The following GALNT13 variants were observed in gnomAD, a reference collection of about 807,000 sequenced individuals.
The protein encoded by GALNT13 is UDP-GalNAc:polypeptide N-acetylgalactosaminyltransferase 13.
Under a neutral mutation model 64.2 loss-of-function variants are expected in GALNT13, and 28 were observed. The ratio of observed to expected loss-of-function variants is 0.44; its 90% CI spans 0.32 to 0.60. The LOEUF (loss-of-function observed/expected upper bound fraction) is 0.60. GALNT13 is among the 20% of genes least tolerant of loss of function. The pLI is 0.05. For synonymous variants in GALNT13, 214 were observed against 224.6 expected, an observed-to-expected ratio of 0.95 and a Z score of 0.42; for missense variants, 577 against 669.8, an observed-to-expected ratio of 0.86 and a Z score of 1.53.
intron 1 of GALNT13, among the ~76,000 whole-genome samples, chr2:153,889,980 C>T (rs1687446773): frequency 6.6e-6 from 1 of 151,718 alleles, no homozygotes; most frequent in African/African-American, 2.4e-5. Context: ...CTTCTGCTTG[C>T]TTCCTGTGAA....
chr2:154,056,910 T>C (rs956028118), intron 3 of GALNT13, among the ~76,000 whole-genome samples: 10 of 152,088 alleles, frequency 6.6e-5, no homozygotes, highest in Admixed American at 2.6e-4. Flanking sequence ...GTTGAGTTTC[T>C]TTGACTCAAG....
chr2:153,969,230 A>C (rs1311393657), intron 3 of GALNT13, among the ~76,000 whole-genome samples: 1 of 152,124 alleles, frequency 6.6e-6, no homozygotes, highest in African/African-American at 2.4e-5. Flanking sequence ...TGCATTAGGC[A>C]TCACAAAGGC....
chr2:153,566,606 G>A, the GALNT13 span, among the ~76,000 whole-genome samples: 1 of 152,072 alleles, frequency 6.6e-6, no homozygotes, highest in Non-Finnish European at 1.5e-5. Flanking sequence ...CGCCTGCCTT[G>A]GCTTCCCAAA....
chr2:153,722,003 C>A, the GALNT13 span, among the ~76,000 whole-genome samples: 1 of 148,946 alleles, frequency 6.7e-6, no homozygotes, highest in Non-Finnish European at 1.5e-5. Context: ...ACAGAATATA[C>A]ATTTTTTTCA....
chr2:154,304,892 C>T (rs773613356), intron 9 of GALNT13, among the ~76,000 whole-genome samples: 10 of 152,126 alleles, frequency 6.6e-5, no homozygotes, highest in Non-Finnish European at 1.2e-4. Context: ...TTTATGTTTA[C>T]GTGTGTCTCA....
the GALNT13 span, among the ~76,000 whole-genome samples, chr2:153,231,683 C>T: frequency 2.6e-5 from 4 of 151,876 alleles, no homozygotes; most frequent in Non-Finnish European, 5.9e-5. Context: ...ATTTATTATT[C>T]TCTTAGCAAA....
chr2:153,362,323 G>A, the GALNT13 span, among the ~76,000 whole-genome samples: 14 of 152,004 alleles, frequency 9.2e-5, no homozygotes, highest in Admixed American at 2.6e-4. Flanking sequence ...GCATCAACTA[G>A]TGGACAAAAT....
At chr2:153,562,246 AAT>A in the GALNT13 span, among the ~76,000 whole-genome samples, 1 of 152,044 alleles carries the variant, frequency 6.6e-6, no homozygotes, top group East Asian at 1.9e-4. Context: ...CTTTTTTCCT[AAT>A]AGTTACTTTA....
At chr2:153,146,674 G>T in the GALNT13 span, among the ~76,000 whole-genome samples, 1 of 151,766 alleles carries the variant, frequency 6.6e-6, no homozygotes, top group Admixed American at 6.6e-5. Context: ...CTTGTATCAG[G>T]GTTTCCTTCA....
chr2:153,617,640 T>C, the GALNT13 span, among the ~76,000 whole-genome samples: 30,184 of 151,736 alleles, frequency 0.2, 3,189 homozygotes, highest in African/African-American at 0.25. Context: ...GCTATTAGTT[T>C]TTTAAATATT....
chr2:153,861,531 A>AT, the GALNT13 span, among the ~76,000 whole-genome samples: 15 of 141,750 alleles, frequency 1.1e-4, no homozygotes, highest in Admixed American at 2.1e-4. Context: ...TTAAAAGCTG[A>AT]TTTTTTCTCT....
intron 3 of GALNT13, among the ~76,000 whole-genome samples, chr2:153,962,649 C>T (rs1031328543): frequency 6.6e-6 from 1 of 152,158 alleles, no homozygotes; most frequent in African/African-American, 2.4e-5. Context: ...AATTAAGGAA[C>T]TTATTTCCAA....
At chr2:153,550,133 T>C in the GALNT13 span, among the ~76,000 whole-genome samples, 3 of 152,226 alleles carry the variant, frequency 2.0e-5, no homozygotes, top group South Asian at 2.1e-4. Flanking sequence ...CTTCACAAGA[T>C]GGCAGCTATC....
the GALNT13 span, among the ~76,000 whole-genome samples, chr2:153,545,377 C>T: frequency 3.3e-5 from 5 of 152,282 alleles, no homozygotes; most frequent in Admixed American, 2.0e-4. Flanking sequence ...TCCATGTACA[C>T]ATCTTAGCCA....
the GALNT13 span, among the ~76,000 whole-genome samples, chr2:153,778,059 C>G: frequency 3.3e-5 from 5 of 152,186 alleles, no homozygotes; most frequent in African/African-American, 1.2e-4. Context: ...AAGCTCTCCT[C>G]CAACTGCCCT....
intron 3 of GALNT13, among the ~76,000 whole-genome samples, chr2:154,139,733 A>G (rs1345860228): frequency 6.6e-6 from 1 of 151,952 alleles, no homozygotes; most frequent in East Asian, 1.9e-4. Flanking sequence ...AAATTAGCCT[A>G]TATATCAAAT....
At chr2:154,078,357 T>G (rs1701096230) in intron 3 of GALNT13, among the ~76,000 whole-genome samples, 4 of 151,540 alleles carry the variant, frequency 2.6e-5, no homozygotes, top group African/African-American at 9.7e-5. Context: ...TAAAATTATG[T>G]TCTTATTGTA....
the GALNT13 span, among the ~76,000 whole-genome samples, chr2:153,125,282 T>C: frequency 5.3e-5 from 8 of 152,224 alleles, no homozygotes; most frequent in Admixed American, 1.3e-4. Context: ...CACATGACAC[T>C]GTGATGCTGA....
the GALNT13 span, among the ~76,000 whole-genome samples, chr2:153,340,740 T>C: frequency 6.6e-6 from 1 of 152,158 alleles, no homozygotes; most frequent in Non-Finnish European, 1.5e-5. Flanking sequence ...CCATTGAATA[T>C]GAACATTGAG....
Sources: gnomAD v4.1 joint callset for allele counts (sites outside exome capture counted in the v4.1 genomes callset) on GRCh38, gnomAD v4.1.1 for gene constraint, MANE v1.5 for transcripts, NCBI Gene and HGNC (gene_info 2026-07-23, HGNC 2026-07-21) for gene names.